Variants in ASAP2 observed in about 807,000 individuals in gnomAD.
ASAP2 encodes arf-GAP with SH3 domain, ANK repeat and PH domain-containing protein 2.
In ASAP2, 45 loss-of-function variants were observed where a neutral mutation model predicts 131.4. The observed-to-expected ratio is 0.34, with a 90% CI of 0.27 to 0.44. The LOEUF (loss-of-function observed/expected upper bound fraction) is 0.44, where lower values mean the gene tolerates loss of function less well. ASAP2 is among the 20% of genes least tolerant of loss of function. The pLI, the probability that ASAP2 is intolerant of heterozygous loss-of-function variation, is 1.00. For missense variants in ASAP2, 1,011 were observed against 1,297.0 expected (o/e 0.78, Z 3.39); for synonymous variants, 510 against 503.0 (o/e 1.01, Z -0.19).
At chr2:9,296,530 G>C (rs12464411) in intron 2 of ASAP2, among the ~76,000 whole-genome samples, 14,058 of 152,292 alleles carry the variant, frequency 0.092, 671 homozygotes, top group African/African-American at 0.13. Flanking sequence ...GTAAGCACCT[G>C]GTATGTTTTT....
chr2:9,293,701 G>A (rs188984070), intron 2 of ASAP2, among the ~76,000 whole-genome samples: 21 of 152,272 alleles, frequency 1.4e-4, no homozygotes, highest in East Asian at 1.2e-3. Context: ...GGTGGGCACC[G>A]TGCTAGGTGT....
intron 6 of ASAP2, 68 bp downstream of exon 6, chr2:9,323,318 A>G (rs2148513573): frequency 6.3e-7 from 1 of 1,591,518 alleles, no homozygotes; most frequent in Non-Finnish European, 8.6e-7. Context: ...CTGTGGGAGC[A>G]TCTCACCGGT....
rs559514053 is a variant in ASAP2, at chr2:9,231,961, G to A, written c.126+24731G>A. On this transcript the variant is annotated intron_variant, in intron 1 of 27. Transcript: ENST00000281419. ...CAGTTGCCCATCTTGTCCTGTGAGTGAAGCTCCTGCTTCCATCTCTCTTGA... is the reference window on the plus strand; with the variant it reads ...CAGTTGCCCATCTTGTCCTGTGAGTAAAGCTCCTGCTTCCATCTCTCTTGA... Among the ~76,000 whole-genome samples the A allele has an allele frequency of 3.3e-5, 5 of 152,288 alleles. 1 individual carries two copies. In the South Asian group the frequency reaches 1.0e-3, roughly 32 times the overall value.
intron 1 of ASAP2, among the ~76,000 whole-genome samples, chr2:9,262,937 A>C (rs986367062): frequency 9.9e-5 from 15 of 152,218 alleles, no homozygotes; most frequent in African/African-American, 2.9e-4. Flanking sequence ...ACTAAAGTGA[A>C]GTTCATGTGG....
At chr2:9,400,121 G>T in intron 25 of ASAP2, 49 bp downstream of exon 25, 1 of 1,543,192 alleles carries the variant, frequency 6.5e-7, no homozygotes, top group South Asian at 1.1e-5. Flanking sequence ...GTCCATGGGG[G>T]CAATGTGGGG....
intron 1 of ASAP2, among the ~76,000 whole-genome samples, chr2:9,266,524 A>G (rs1309673575): frequency 6.6e-6 from 1 of 152,024 alleles, no homozygotes; most frequent in East Asian, 1.9e-4. Flanking sequence ...GGGCGTCTGC[A>G]TGTACACAGG....
chr2:9,272,308 A>T (rs575699331), intron 1 of ASAP2, among the ~76,000 whole-genome samples: 109 of 152,334 alleles, frequency 7.2e-4, no homozygotes, highest in African/African-American at 2.4e-3. Flanking sequence ...CGGATGATCA[A>T]TGATGTTGAA....
rs1676487810 is a variant in ASAP2 at position 9,400,010 on chromosome 2, C to T, written c.2685-13C>T. Reference sequence around the variant, plus strand: ...CCGGTAGCAGTAAATCTACTTTTTCCCTGTCTTTGTAGGGCTGACAAGTCC... The same window carrying T: ...CCGGTAGCAGTAAATCTACTTTTTCTCTGTCTTTGTAGGGCTGACAAGTCC... On this transcript the variant is annotated splice_polypyrimidine_tract_variant and intron_variant, in intron 24 of 27. Transcript: ENST00000281419. 6.2e-7 allele frequency: 1 copy of T among 1,612,928 alleles called. No individual in the cohort carries two copies. Among genetic ancestry groups the T allele is most frequent in the African/African-American group, 1.3e-5 (1 of 74,922 alleles).
intron 7 of ASAP2, among the ~76,000 whole-genome samples, chr2:9,333,709 G>A (rs1670991291): frequency 6.6e-6 from 1 of 152,120 alleles, no homozygotes; most frequent in Non-Finnish European, 1.5e-5. Context: ...CTCATTACAG[G>A]TTAGAACTTT....
Position 9,207,421 on chromosome 2 carries a change from G to A in ASAP2, c.126+191G>A, listed in dbSNP as rs1661194382. 6.6e-6 allele frequency among the ~76,000 whole-genome samples: 1 copy of A among 152,180 alleles called. No individual in the cohort carries two copies. The highest frequency in any genetic ancestry group is 1.5e-5 in the Non-Finnish European group (1 of 68,020). ...GGAGGAGATGGGTGATGGCCACCTT[G>A]GGCCTCTTTAAGACCTCCCCTCTCT... On this transcript the variant is annotated intron_variant, in intron 1 of 27. Coordinates refer to ENST00000281419, the MANE Select transcript of ASAP2 (RefSeq NM_003887.3). This position sits in a 1 kb window ranked among gnomAD's most constrained non-coding sequence, Gnocchi z 4.1.
At chr2:9,276,458 G>C (rs1666766273) in intron 1 of ASAP2, among the ~76,000 whole-genome samples, 1 of 152,182 alleles carries the variant, frequency 6.6e-6, no homozygotes, top group Admixed American at 6.5e-5. Context: ...TGCTAAAGAT[G>C]TTATTCTGAG....
In ASAP2 at chr2:9,380,780, G is replaced by A. The variant is rs766970654; in HGVS notation, c.1988G>A (p.Arg663His). 2.8e-5 allele frequency: 45 copies of A among 1,614,120 alleles called. 2 individuals carry two copies. The South Asian group carries it at 3.4e-4, about 12-fold the overall frequency. ...GAGACTCCGCTGGACATTGCCAAGC[G>A]CCTCAAGCACGAGCACTGTGAGGAG... ...SGETPLDIAK[R>H]LKHEHCEELL... The change falls in exon 20 of 28, where the codon CGC becomes CAC. Residue 663 changes from arginine (R) to histidine (H), a missense_variant. By Grantham distance (29) the Arg-to-His change is conservative. Transcript: ENST00000281419.
chr2:9,368,538 AT>A lies in ASAP2; in HGVS notation c.1556+21del. 6.2e-7 allele frequency: 1 copy of A among 1,607,458 alleles called. No individual in the cohort carries two copies. Among genetic ancestry groups the A allele is most frequent in the Non-Finnish European group, 8.5e-7 (1 of 1,173,924 alleles). ...GCGACATGTAAGTATGGGACTGGCT[AT>A]TCTCATTTGCTGAGTAAAGGTTTGC... On this transcript the variant is annotated intron_variant, in intron 16 of 27. Transcript: ENST00000281419.
rs959235011 is a variant in ASAP2 at position 9,357,727 on chromosome 2, G to A, written c.1328-1029G>A. Among the ~76,000 whole-genome samples, 33 of 152,176 alleles carry A rather than the reference G, an allele frequency of 2.2e-4. 1 individual carries two copies. The highest frequency in any genetic ancestry group is 7.7e-4 in the African/African-American group (32 of 41,442). On this transcript the variant is annotated intron_variant, in intron 14 of 27. Transcript: ENST00000281419. The stretch of plus-strand genomic sequence containing the variant: ...TGTACCTCCGCAAAGCACAAATACA[G>A]TGGAGTCGTCCTACACAAGTGCAGA...
chr2:9,214,617 A>C (rs1383571952), intron 1 of ASAP2, among the ~76,000 whole-genome samples: 1 of 152,088 alleles, frequency 6.6e-6, no homozygotes, highest in East Asian at 1.9e-4. Context: ...TACCAACCCG[A>C]GCTGGAATAC....
intron 11 of ASAP2, among the ~76,000 whole-genome samples, chr2:9,350,278 A>T (rs1382151296): frequency 6.6e-6 from 1 of 152,236 alleles, no homozygotes; most frequent in African/African-American, 2.4e-5. Context: ...GATGGTTGGC[A>T]TTTAGGAATG....
Position 9,334,831 on chromosome 2 carries a change from C to G in ASAP2, c.762+18C>G. The G allele has an allele frequency of 6.2e-7, 1 of 1,605,392 alleles. No homozygotes were observed. The highest frequency in any genetic ancestry group is 8.5e-7 in the Non-Finnish European group (1 of 1,172,958). ...TTCACACGGTGAGTAGCTTCCCTCCCACTGTGGTTTAAAACCATCTTAATG... is the reference window on the plus strand; with the variant it reads ...TTCACACGGTGAGTAGCTTCCCTCCGACTGTGGTTTAAAACCATCTTAATG... On this transcript the variant is annotated intron_variant, in intron 8 of 27. Coordinates refer to ENST00000281419, the MANE Select transcript of ASAP2 (RefSeq NM_003887.3).
rs576954461 is a variant in ASAP2, at chr2:9,285,472, G to A, written c.199+6083G>A. On this transcript the variant is annotated intron_variant, in intron 2 of 27. Coordinates refer to ENST00000281419, the MANE Select transcript of ASAP2 (RefSeq NM_003887.3). Reference sequence around the variant, plus strand: ...TATGTTTGCTCCCAGTCTTCAAAATGATGGCAACCCAGCCAGCTGTATTTT... The same window carrying A: ...TATGTTTGCTCCCAGTCTTCAAAATAATGGCAACCCAGCCAGCTGTATTTT... 1.6e-3 allele frequency among the ~76,000 whole-genome samples: 239 copies of A among 152,338 alleles called. 1 individual carries two copies. The highest frequency in any genetic ancestry group is 3.7e-3 in the South Asian group (18 of 4,822).
At chr2:9,234,820 C>T (rs1416598668) in intron 1 of ASAP2, among the ~76,000 whole-genome samples, 7 of 152,216 alleles carry the variant, frequency 4.6e-5, no homozygotes, top group African/African-American at 1.7e-4. Context: ...GCGAATGCTT[C>T]AGTGGCTTTG....
Sources: allele counts gnomAD v4.1 joint callset (sites outside exome capture counted in the v4.1 genomes callset), GRCh38; gene constraint gnomAD v4.1.1; non-coding constraint Gnocchi (gnomAD v3.1); transcripts MANE v1.5; gene names NCBI Gene and HGNC (gene_info 2026-07-23, HGNC 2026-07-21).